SLC39A5: variants seen among roughly 807,000 people sequenced by gnomAD.
SLC39A5 encodes the protein zinc transporter ZIP5.
In SLC39A5, 42 loss-of-function variants were observed where a neutral mutation model predicts 46.9. The ratio of observed to expected loss-of-function variants is 0.90; its 90% CI spans 0.70 to 1.16. SLC39A5 has a LOEUF of 1.16. SLC39A5 is among the 50% of genes most tolerant of loss of function. The pLI, the probability that SLC39A5 is intolerant of heterozygous loss-of-function variation, is 0.00. For missense variants in SLC39A5, 677 were observed against 686.8 expected, an observed-to-expected ratio of 0.99 and a Z score of 0.16; for synonymous variants, 311 against 323.1, an observed-to-expected ratio of 0.96 and a Z score of 0.40.
intron 7 of SLC39A5, 42 bp downstream of exon 7, chr12:56,235,368 C>G (rs1271239273): frequency 1.3e-6 from 2 of 1,507,378 alleles, no homozygotes; most frequent in African/African-American, 1.4e-5. Flanking sequence ...CTCCATGGAT[C>G]TAAGGTGTCC....
Position 56,234,700 on chromosome 12 carries a change from A to G in SLC39A5, c.472-124A>G. On this transcript the variant is annotated intron_variant, in intron 5 of 12. Transcript: ENST00000454355. ...GGTCTCAAACTCCTGACCTCAGATG[A>G]TACACCCGCCTGGGCCTCTCAAGGG... 2.9e-6 allele frequency: 3 copies of G among 1,039,150 alleles called. No individual in the cohort carries two copies. The South Asian group carries it at 4.5e-5, about 15-fold the overall frequency. The allele number at this position is 1,039,150 out of a possible 1,614,324, so 64.4% of individuals were successfully genotyped here. A position where few individuals can be genotyped will look rare whatever the true frequency, so the allele number is the denominator to read the frequency against.
At chr12:56,233,666 C>CCTGCA (rs1279139072) in intron 5 of SLC39A5, among the ~76,000 whole-genome samples, 2 of 151,994 alleles carry the variant, frequency 1.3e-5, no homozygotes, top group African/African-American at 4.8e-5. Flanking sequence ...GGAGAGGAGA[C>CCTGCA]CTGCAGGGAA....
chr12:56,237,531 C>T (rs1870937543), intron 12 of SLC39A5, 57 bp from the exon 13 acceptor site: 4 of 1,608,928 alleles, frequency 2.5e-6, no homozygotes, highest in Admixed American at 1.7e-5. Context: ...CACCATTCCT[C>T]TGGAGTTGAG....
chr12:56,235,909 G>A (rs1407875844), intron 8 of SLC39A5: 1 of 585,248 alleles, frequency 1.7e-6, no homozygotes, highest in Non-Finnish European at 3.0e-6. Flanking sequence ...TGGGCGTGGT[G>A]GTGCGTGTCT....
intron 11 of SLC39A5, 28 bp downstream of exon 11, chr12:56,237,039 G>C (rs1285399844): frequency 2.1e-5 from 34 of 1,613,748 alleles, no homozygotes; most frequent in Middle Eastern, 1.7e-4. Context: ...AGGGTGGGGT[G>C]GACTCCAGAA....
chr12:56,236,526 C>T, intron 9 of SLC39A5, 34 bp downstream of exon 9: 1 of 1,614,212 alleles, frequency 6.2e-7, no homozygotes, highest in African/African-American at 1.3e-5. Context: ...GAGTAGGTTC[C>T]AAGCTCACAG....
chr12:56,231,246 C>A lies in SLC39A5; in HGVS notation c.-29C>A, dbSNP rs769461626. The A allele has an allele frequency of 6.4e-7, 1 of 1,558,656 alleles. No homozygotes were observed. Among genetic ancestry groups the A allele is most frequent in the Non-Finnish European group, 8.7e-7 (1 of 1,152,376 alleles). On this transcript the variant is annotated 5_prime_UTR_variant, in exon 4 of 13. Transcript: ENST00000454355. ...GTTTCGGGGAGAATAGGAGCCAGAA[C>A]CTGAGCCCCTAAGCTATTCCCCTCA...
At chr12:56,234,798 C>T in intron 5 of SLC39A5, 26 bp from the exon 6 acceptor site, 1 of 1,612,436 alleles carries the variant, frequency 6.2e-7, no homozygotes. Flanking sequence ...TGGTGATTCT[C>T]CAATGTATGA....
intron 2 of SLC39A5, chr12:56,230,552 C>G (rs1157058838): frequency 6.6e-6 from 1 of 152,154 alleles, no homozygotes; most frequent in Non-Finnish European, 1.5e-5. Flanking sequence ...AGACTAGGCC[C>G]AGGTTCTCCT....
At chr12:56,233,413 GCACTC>G (rs1870432302) in intron 5 of SLC39A5, among the ~76,000 whole-genome samples, 2 of 151,176 alleles carry the variant, frequency 1.3e-5, no homozygotes, top group Non-Finnish European at 2.9e-5. Flanking sequence ...TTGCACCACT[GCACTC>G]CAGCCTGGGT....
chr12:56,237,275 C>CCCCTCACT lies in SLC39A5; in HGVS notation c.1419_1426dup (p.Trp476SerfsTer54). On this transcript the variant is annotated frameshift_variant, in exon 12 of 13. Coordinates refer to ENST00000454355, the MANE Select transcript of SLC39A5 (RefSeq NM_173596.3). LOFTEE classifies it high-confidence loss of function. The stretch of plus-strand genomic sequence containing the variant: ...GGTGGGGCTCAGCCTGGGCCCTGTC[C>CCCCTCACT]CCCTCACTCCCTGGGTGTTTGGGGT... The CCCCTCACT allele has an allele frequency of 6.2e-7, 1 of 1,613,508 alleles. No homozygotes were observed. The highest frequency in any genetic ancestry group is 1.7e-4 in the Middle Eastern group (1 of 6,056).
intron 8 of SLC39A5, among the ~76,000 whole-genome samples, chr12:56,236,028 C>T (rs906408148): frequency 1.3e-4 from 19 of 151,976 alleles, no homozygotes; most frequent in Admixed American, 2.0e-4. Flanking sequence ...GGTGACAGAG[C>T]GAGACTCCAT....
At chr12:56,235,911 T>C (rs1352853523) in intron 8 of SLC39A5, 1 of 574,372 alleles carries the variant, frequency 1.7e-6, no homozygotes, top group Admixed American at 3.3e-5. Flanking sequence ...GGCGTGGTGG[T>C]GCGTGTCTGT....
intron 4 of SLC39A5, 70 bp downstream of exon 4, chr12:56,231,631 C>G: frequency 6.9e-7 from 1 of 1,453,156 alleles, no homozygotes; most frequent in Admixed American, 2.5e-5. Flanking sequence ...CCCCAGTTGC[C>G]TCGTTCTGGC....
rs1404606754 is a variant in SLC39A5 at position 56,234,997 on chromosome 12, A to G, written c.634+11A>G. 3 of 1,612,702 alleles carry G rather than the reference A, an allele frequency of 1.9e-6. No individual in the cohort carries two copies. Among genetic ancestry groups the G allele is most frequent in the Non-Finnish European group, 2.5e-6 (3 of 1,179,940 alleles). ...GGGATCTACTATCTGGTCAGCAAGT[A>G]GGAGTGGGTGGGGGACACCCTGAAT... is the stretch of plus-strand genomic sequence containing the variant. On this transcript the variant is annotated intron_variant, in intron 6 of 12. Coordinates refer to ENST00000454355, the MANE Select transcript of SLC39A5 (RefSeq NM_173596.3).
intron 9 of SLC39A5, 29 bp downstream of exon 9, chr12:56,236,521 G>C: frequency 3.1e-6 from 5 of 1,614,212 alleles, no homozygotes; most frequent in Non-Finnish European, 4.2e-6. Flanking sequence ...TTGAAGAGTA[G>C]GTTCCAAGCT....
At chr12:56,235,098 C>T in intron 6 of SLC39A5, 59 bp from the exon 7 acceptor site, 1 of 1,562,802 alleles carries the variant, frequency 6.4e-7, no homozygotes, top group Non-Finnish European at 8.7e-7. Context: ...CTCTGCTCCA[C>T]CTTACGTGTG....
At chr12:56,231,161 T>A (rs1434350817) in intron 3 of SLC39A5, 43 bp from the exon 4 acceptor site, 2 of 1,227,518 alleles carry the variant, frequency 1.6e-6, no homozygotes, top group African/African-American at 3.0e-5. Flanking sequence ...GGACCTGAGC[T>A]GGAGAGCAGA....
At chr12:56,235,040 T>A (rs932191467) in intron 6 of SLC39A5, 54 bp downstream of exon 6, 4 of 1,604,648 alleles carry the variant, frequency 2.5e-6, no homozygotes, top group Non-Finnish European at 3.4e-6. Flanking sequence ...GTGGGGCCCA[T>A]GCCAAAAAGG....
Sources: allele counts gnomAD v4.1 joint callset (sites outside exome capture counted in the v4.1 genomes callset), GRCh38; gene constraint gnomAD v4.1.1; transcripts MANE v1.5; gene names NCBI Gene and HGNC (gene_info 2026-07-23, HGNC 2026-07-21).